NPR1: variants seen among roughly 807,000 people sequenced by gnomAD.
The protein encoded by NPR1 is natriuretic peptide receptor 1.
NPR1 carries 57 observed loss-of-function variants against 116.9 expected under a neutral mutation model. The ratio of observed to expected loss-of-function variants is 0.49; its 90% CI spans 0.39 to 0.61. The LOEUF (loss-of-function observed/expected upper bound fraction) is 0.61, where lower values mean the gene tolerates loss of function less well. Ranked by LOEUF, NPR1 falls within the 20% of genes least tolerant of loss-of-function variation. The probability of loss-of-function intolerance (pLI) is 0.00; values close to 1 mark genes in which losing one functional copy is unlikely to be tolerated. For missense variants in NPR1, 1,096 were observed against 1,409.8 expected (o/e 0.78, Z 3.56); for synonymous variants, 555 against 601.6 (o/e 0.92, Z 1.13).
Position 153,688,139 on chromosome 1 carries a change from C to T in NPR1, c.2335C>T (p.Leu779Phe), listed in dbSNP as rs1288448151. ...GAGTCACCTGGAGGAGTTGGGGCTG[C>T]TCATGCAGCGGTGCTGGGCTGAGGA... ...LQSHLEELGL[L>F]MQRCWAEDPQ... The change falls in exon 15 of 22, where the codon CTC becomes TTC. Residue 779 changes from leucine (L) to phenylalanine (F), a missense_variant. Leu to Phe is a conservative substitution (Grantham distance 22). Coordinates refer to ENST00000368680, the MANE Select transcript of NPR1 (RefSeq NM_000906.4). The T allele has an allele frequency of 6.2e-7, 1 of 1,613,930 alleles. No individual in the cohort carries two copies. Among genetic ancestry groups the T allele is most frequent in the Admixed American group, 1.7e-5 (1 of 60,008 alleles).
chr1:153,680,488 C>G lies in NPR1; in HGVS notation c.722-13C>G, dbSNP rs764981857. 1.9e-6 allele frequency: 3 copies of G among 1,613,560 alleles called. No homozygotes were observed. The highest frequency in any genetic ancestry group is 2.5e-6 in the Non-Finnish European group (3 of 1,179,494). ...ACCTAGGCTTCTCTCTCTGACTCTCCGTCTTTCTCCAGTTATCTACATCTG... is the reference window on the plus strand; with the variant it reads ...ACCTAGGCTTCTCTCTCTGACTCTCGGTCTTTCTCCAGTTATCTACATCTG... On this transcript the variant is annotated splice_polypyrimidine_tract_variant and intron_variant, in intron 1 of 21. Transcript: ENST00000368680.
chr1:153,688,263 C>G lies in NPR1; in HGVS notation c.2417+42C>G, dbSNP rs767168011. On this transcript the variant is annotated intron_variant, in intron 15 of 21. Coordinates refer to ENST00000368680, the MANE Select transcript of NPR1 (RefSeq NM_000906.4). ...ATGGATCCCCCAGGCCCTTCCTCCA[C>G]AGCCACCATTTACCTAATGCTTCTG... The G allele has an allele frequency of 5.7e-6, 9 of 1,590,670 alleles. No homozygotes were observed. In the South Asian group the frequency reaches 7.9e-5, roughly 14 times the overall value.
Position 153,689,621 on chromosome 1 carries a change from A to G in NPR1, c.2757+100A>G. The stretch of plus-strand genomic sequence containing the variant: ...ATGATGTGGAGTCTTAAGAGAGGAG[A>G]TCGGGGACACGGGCAGAGACAGTGA... On this transcript the variant is annotated intron_variant, in intron 18 of 21. Coordinates refer to ENST00000368680, the MANE Select transcript of NPR1 (RefSeq NM_000906.4). The surrounding 1 kb of genome is among the most constrained non-coding windows in gnomAD (Gnocchi z 5.1). 7.6e-7 allele frequency: 1 copy of G among 1,321,564 alleles called. No individual in the cohort carries two copies. The highest frequency in any genetic ancestry group is 1.1e-6 in the Non-Finnish European group (1 of 926,414). The allele number at this position is 1,321,564 out of a possible 1,614,324, so 81.9% of individuals were successfully genotyped here. A position where few individuals can be genotyped will look rare whatever the true frequency, so the allele number is the denominator to read the frequency against.
At position 153,682,511 on chromosome 1, in the gene NPR1, C is replaced by T; in HGVS notation, c.1185C>T (p.Tyr395=). The T allele has an allele frequency of 6.2e-7, 1 of 1,613,870 alleles. No homozygotes were observed. The highest frequency in any genetic ancestry group is 8.5e-7 in the Non-Finnish European group (1 of 1,179,748). The change falls in exon 5 of 22, where the codon TAC becomes TAT. Residue 395 remains tyrosine (Y), a synonymous_variant. Transcript: ENST00000368680. ...CCATGTCCTCAGGTGTGACAGGATACCTGAAAATTGATAGCAGTGGCGATC... is the reference window on the plus strand; with the variant it reads ...CCATGTCCTCAGGTGTGACAGGATATCTGAAAATTGATAGCAGTGGCGATC... ...WNRSFQGVTG[Y]LKIDSSGDRE...
At chr1:153,686,800 G>A (rs1669943489) in intron 11 of NPR1, 50 bp downstream of exon 11, 1 of 1,530,684 alleles carries the variant, frequency 6.5e-7, no homozygotes. Context: ...CCCTGGCTCT[G>A]CCCCTGACTG....
In NPR1 at chr1:153,689,950, C is replaced by A; in HGVS notation, c.2902C>A (p.Gln968Lys). Reference sequence around the variant, plus strand: ...CCGAATCCGCCACCGGCCCCAGGAGCAGCTGCGCTTGCGCATTGGCATCCA... The same window carrying A: ...CCGAATCCGCCACCGGCCCCAGGAGAAGCTGCGCTTGCGCATTGGCATCCA... ...SFRIRHRPQE[Q>K]LRLRIGIHTG... Residue 968 changes from glutamine to lysine, a missense_variant, in exon 19 of 22, where the codon CAG (glutamine) becomes AAG (lysine). Transcript: ENST00000368680. This position sits in a 1 kb window ranked among gnomAD's most constrained non-coding sequence, Gnocchi z 5.1. The A allele has an allele frequency of 6.5e-7, 1 of 1,543,714 alleles. No homozygotes were observed. The highest frequency in any genetic ancestry group is 1.2e-5 in the South Asian group (1 of 83,916).
At position 153,685,171 on chromosome 1, in the gene NPR1, A is replaced by T. The variant is rs529407173; in HGVS notation, c.1605+87A>T. 2.5e-5 allele frequency: 38 copies of T among 1,522,266 alleles called. No individual in the cohort carries two copies. The African/African-American group carries it at 5.1e-4, about 20-fold the overall frequency. The allele number at this position is 1,522,266 out of a possible 1,614,324, so 94.3% of individuals were successfully genotyped here. A position where few individuals can be genotyped will look rare whatever the true frequency, so the allele number is the denominator to read the frequency against. On this transcript the variant is annotated intron_variant, in intron 8 of 21. Coordinates refer to ENST00000368680, the MANE Select transcript of NPR1 (RefSeq NM_000906.4). ...CCTGAGGGATAGGTAAGGGAGCAGG[A>T]TTCTAGTCCCAGCTCTGCTTTCACT...
chr1:153,693,160 G>C lies in NPR1; in HGVS notation c.3086G>C (p.Gly1029Ala). ...AAGGCTGTCCTGGAGGAGTTTGGTG[G>C]TTTCGAGCTGGAGCTTCGAGGGGAT... Reference protein sequence around the residue: ...ETKAVLEEFGGFELELRGDVE... With the variant: ...ETKAVLEEFGAFELELRGDVE... Residue 1029 changes from glycine (G) to alanine (A), a missense_variant, in exon 21 of 22, where the codon GGT (glycine) becomes GCT (alanine). Gly to Ala is a moderately conservative substitution (Grantham distance 60). Coordinates refer to ENST00000368680, the MANE Select transcript of NPR1 (RefSeq NM_000906.4). 1 of 1,614,062 alleles carries C rather than the reference G, an allele frequency of 6.2e-7. No individual in the cohort carries two copies. The highest frequency in any genetic ancestry group is 8.5e-7 in the Non-Finnish European group (1 of 1,179,962).
chr1:153,686,763 A>AG lies in NPR1; in HGVS notation c.1863+17dup. The AG allele has an allele frequency of 1.9e-6, 3 of 1,607,440 alleles. No homozygotes were observed. The highest frequency in any genetic ancestry group is 2.6e-6 in the Non-Finnish European group (3 of 1,174,792). On this transcript the variant is annotated intron_variant, in intron 11 of 21. Coordinates refer to ENST00000368680, the MANE Select transcript of NPR1 (RefSeq NM_000906.4). ...TGGGAGCCTGCAGGTGAGGGGGACAAGGGGTGTCAAGAAACCTGGGTTCTA... is the reference window on the plus strand; with the variant it reads ...TGGGAGCCTGCAGGTGAGGGGGACAAGGGGGTGTCAAGAAACCTGGGTTCTA...
At chr1:153,681,958 C>T (rs982222790) in intron 4 of NPR1, 119 bp downstream of exon 4, 1 of 1,252,992 alleles carries the variant, frequency 8.0e-7, no homozygotes. Flanking sequence ...CAGCCTTTTC[C>T]TCCACAGCTT....
chr1:153,690,667 C>T lies in NPR1; in HGVS notation c.3031+285C>T, dbSNP rs558399733. Among the ~76,000 whole-genome samples, 12 of 152,034 alleles carry T rather than the reference C, an allele frequency of 7.9e-5. No homozygotes were observed. The East Asian group carries it at 1.2e-3, about 15-fold the overall frequency. On this transcript the variant is annotated intron_variant, in intron 20 of 21. Transcript: ENST00000368680. ...ATTTTAAGACCCTCTGTGGGCCGGGCGTGGTGACTCACACCTGTAATCCCA... is the reference window on the plus strand; with the variant it reads ...ATTTTAAGACCCTCTGTGGGCCGGGTGTGGTGACTCACACCTGTAATCCCA...
chr1:153,679,284 T>C lies in NPR1; in HGVS notation c.176T>C (p.Val59Ala). The C allele has an allele frequency of 2.0e-6, 3 of 1,528,676 alleles. No individual in the cohort carries two copies. Among genetic ancestry groups the C allele is most frequent in the South Asian group, 1.2e-5 (1 of 83,366 alleles). 94.7% of individuals were successfully genotyped at this position (1,528,676 alleles called of 1,614,324 possible). The change falls in exon 1 of 22, where the codon GTG (valine) becomes GCG (alanine). Residue 59 changes from valine (V) to alanine (A), a missense_variant. Val to Ala is a moderately conservative substitution (Grantham distance 64). Coordinates refer to ENST00000368680, the MANE Select transcript of NPR1 (RefSeq NM_000906.4). The surrounding 1 kb of genome is among the most constrained non-coding windows in gnomAD (Gnocchi z 4.2). Reference protein sequence around the residue: ...PWSWARVGPAVELALAQVKAR... With the variant: ...PWSWARVGPAAELALAQVKAR... ...TCGTGGGCGCGCGTGGGACCCGCCG[T>C]GGAGCTGGCCCTGGCCCAGGTGAAG...
At chr1:153,680,469 G>C (rs918927668) in intron 1 of NPR1, 32 bp from the exon 2 acceptor site, 5 of 1,607,628 alleles carry the variant, frequency 3.1e-6, no homozygotes, top group African/African-American at 2.7e-5. Context: ...CAGTACCTAG[G>C]CTTCTCTCTC....
At position 153,691,199 on chromosome 1, in the gene NPR1, G is replaced by A. The variant is rs139547489; in HGVS notation, c.3031+817G>A. ...TCATTTAACTTTTCCAAGCCTTAGC[G>A]GATTATCTGTAAAATGATGTCTATC... On this transcript the variant is annotated intron_variant, in intron 20 of 21. Transcript: ENST00000368680. Among the ~76,000 whole-genome samples, 1,259 of 152,244 alleles carry A rather than the reference G, an allele frequency of 8.3e-3. 13 individuals carry two copies. Among genetic ancestry groups the A allele is most frequent in the Middle Eastern group, 0.044 (13 of 294 alleles).
chr1:153,692,661 T>C (rs2101742464), intron 20 of NPR1, among the ~76,000 whole-genome samples: 1 of 151,882 alleles, frequency 6.6e-6, no homozygotes, highest in Admixed American at 6.6e-5. Flanking sequence ...TACAGGTGAG[T>C]GCCACCACAC....
Position 153,689,926 on chromosome 1 carries a change from C to T in NPR1, c.2878C>T (p.Arg960Ter), listed in dbSNP as rs1010984691. The T allele has an allele frequency of 1.8e-5, 28 of 1,554,554 alleles. No homozygotes were observed. The highest frequency in any genetic ancestry group is 2.7e-5 in the African/African-American group (2 of 73,396). ...ACTGCTGGATGCTGTGCGCTCCTTC[C>T]GAATCCGCCACCGGCCCCAGGAGCA... ...LALLDAVRSF[R>*]IRHRPQEQLR... Residue 960 changes from arginine to a stop codon, truncating the protein, a stop_gained, in exon 19 of 22, where the codon CGA (arginine) becomes TGA (stop). Coordinates refer to ENST00000368680, the MANE Select transcript of NPR1 (RefSeq NM_000906.4). LOFTEE classifies it high-confidence loss of function. This position sits in a 1 kb window ranked among gnomAD's most constrained non-coding sequence, Gnocchi z 5.1.
chr1:153,681,321 C>T (rs763301644), intron 3 of NPR1, 28 bp downstream of exon 3: 32 of 1,310,692 alleles, frequency 2.4e-5, no homozygotes, highest in Admixed American at 1.7e-4. Context: ...GACCCTCCAG[C>T]GTGGACCTCC....
intron 20 of NPR1, among the ~76,000 whole-genome samples, chr1:153,690,668 G>T (rs933744178): frequency 6.6e-6 from 1 of 152,038 alleles, no homozygotes; most frequent in Non-Finnish European, 1.5e-5. Context: ...TGGGCCGGGC[G>T]TGGTGACTCA....
rs781699300 is a variant in NPR1 at position 153,688,048 on chromosome 1, T to C, written c.2249-5T>C. 8.1e-6 allele frequency: 13 copies of C among 1,596,148 alleles called. No individual in the cohort carries two copies. Among genetic ancestry groups the C allele is most frequent in the South Asian group, 2.2e-5 (2 of 89,746 alleles). Reference sequence around the variant, plus strand: ...CCCCTCAGCTCCTCTACCCCCCCAATACAGAGATCATCGAGCGGGTGACTC... The same window carrying C: ...CCCCTCAGCTCCTCTACCCCCCCAACACAGAGATCATCGAGCGGGTGACTC... On this transcript the variant is annotated splice_polypyrimidine_tract_variant and splice_region_variant and intron_variant, in intron 14 of 21. Transcript: ENST00000368680.
Sources: allele counts gnomAD v4.1 joint callset (sites outside exome capture counted in the v4.1 genomes callset), GRCh38; gene constraint gnomAD v4.1.1; non-coding constraint Gnocchi (gnomAD v3.1); transcripts MANE v1.5; gene names NCBI Gene and HGNC (gene_info 2026-07-23, HGNC 2026-07-21).